The following KIAA1958 variants were observed in gnomAD, a reference collection of about 807,000 sequenced individuals.
KIAA1958 encodes uncharacterized protein KIAA1958.
In KIAA1958, 14 loss-of-function variants were observed where a neutral mutation model predicts 47.2. The observed-to-expected ratio is 0.30, with a 90% CI of 0.20 to 0.46. The LOEUF is 0.46. Ranked by LOEUF, KIAA1958 falls within the 20% of genes least tolerant of loss-of-function variation. KIAA1958 has a pLI of 1.00. For synonymous variants in KIAA1958, 354 were observed against 353.3 expected (o/e 1.00, Z -0.02); for missense variants, 803 against 909.2 (o/e 0.88, Z 1.50).
chr9:112,525,927 CT>C, intron 1 of KIAA1958, among the ~76,000 whole-genome samples: 1 of 2,628 alleles, frequency 3.8e-4, no homozygotes, highest in Non-Finnish European at 5.1e-4. Flanking sequence ...CTTTCTTCTT[CT>C]TCTTCTTCTT....
chr9:112,498,145 CTTTG>C (rs200105256), intron 1 of KIAA1958, among the ~76,000 whole-genome samples: 2,601 of 152,146 alleles, frequency 0.017, 64 homozygotes, highest in African/African-American at 0.06. Context: ...CAGTTATTGA[CTTTG>C]TTTATCTGAC....
intron 1 of KIAA1958, among the ~76,000 whole-genome samples, chr9:112,488,680 A>G (rs1031291922): frequency 6.6e-6 from 1 of 152,252 alleles, no homozygotes; most frequent in African/African-American, 2.4e-5. Flanking sequence ...AAAAAGCATT[A>G]TCATCTAAAC....
chr9:112,654,007 G>A (rs894481409), intron 3 of KIAA1958, among the ~76,000 whole-genome samples: 8 of 152,272 alleles, frequency 5.3e-5, no homozygotes, highest in South Asian at 2.1e-4. Flanking sequence ...AATAAGTCAC[G>A]TGGCTAGCCC....
chr9:112,622,876 C>T (rs1688436094), intron 2 of KIAA1958, among the ~76,000 whole-genome samples: 1 of 152,100 alleles, frequency 6.6e-6, no homozygotes, highest in South Asian at 2.1e-4. Flanking sequence ...AGCTAGGGGC[C>T]AAACCTGGAG....
Position 112,618,884 on chromosome 9 carries a change from G to T in KIAA1958, c.1172-26766G>T. 6.5e-7 allele frequency: 1 copy of T among 1,547,314 alleles called. No homozygotes were observed. Among genetic ancestry groups the T allele is most frequent in the East Asian group, 2.4e-5 (1 of 40,836 alleles). On this transcript the variant is annotated intron_variant, in intron 2 of 3. Coordinates refer to ENST00000337530, the MANE Select transcript of KIAA1958 (RefSeq NM_133465.4). This position sits in a 1 kb window ranked among gnomAD's most constrained non-coding sequence, Gnocchi z 7.1. ...CAACAATGGCAATTTCATCGTCTCCGCCTCCTATGACTCTTCCTCAGACAC... is the reference window on the plus strand; with the variant it reads ...CAACAATGGCAATTTCATCGTCTCCTCCTCCTATGACTCTTCCTCAGACAC...
At chr9:112,543,758 A>G (rs899866348) in intron 1 of KIAA1958, among the ~76,000 whole-genome samples, 22 of 151,760 alleles carry the variant, frequency 1.4e-4, no homozygotes, top group Non-Finnish European at 2.4e-4. Flanking sequence ...TTTTTAGTAG[A>G]GATAGGGTTT....
intron 2 of KIAA1958, among the ~76,000 whole-genome samples, chr9:112,585,289 A>G (rs1332660677): frequency 3.3e-5 from 5 of 152,232 alleles, no homozygotes; most frequent in African/African-American, 1.2e-4. Context: ...TCAAGTGTAT[A>G]AGGAGGTGTA....
intron 1 of KIAA1958, among the ~76,000 whole-genome samples, chr9:112,545,284 A>G (rs1835008379): frequency 6.6e-6 from 1 of 152,196 alleles, no homozygotes; most frequent in South Asian, 2.1e-4. Context: ...ACTGTGGGTC[A>G]TTGATGTCTT....
rs1030376111 is a variant in KIAA1958, at chr9:112,565,501, AT to A, written c.-24-8550del. On this transcript the variant is annotated intron_variant, in intron 1 of 3. Transcript: ENST00000337530. ...ATATGGGGAAGTGCCACCTGAAGTT[AT>A]TTTTTAATTCTTGAAAATGTAGAAG... is the stretch of plus-strand genomic sequence containing the variant. Among the ~76,000 whole-genome samples, 242 of 152,310 alleles carry A rather than the reference AT, an allele frequency of 1.6e-3. 1 individual carries two copies. The highest frequency in any genetic ancestry group is 5.4e-3 in the African/African-American group (224 of 41,570).
At chr9:112,623,654 G>A (rs1475016315) in intron 2 of KIAA1958, among the ~76,000 whole-genome samples, 2 of 152,206 alleles carry the variant, frequency 1.3e-5, no homozygotes, top group African/African-American at 2.4e-5. Context: ...TACCAGCAGA[G>A]AGCAGAAGTT....
intron 2 of KIAA1958, among the ~76,000 whole-genome samples, chr9:112,602,288 C>A (rs547106631): frequency 6.6e-6 from 1 of 152,078 alleles, no homozygotes; most frequent in Non-Finnish European, 1.5e-5. Flanking sequence ...AAATGAAACA[C>A]GAATGTTGGC....
At position 112,662,166 on chromosome 9, in the gene KIAA1958, TTGCC is replaced by T. The variant is rs1446524714; in HGVS notation, c.*2100_*2103del. The stretch of plus-strand genomic sequence containing the variant: ...AATAATCATCTCTGCCTCAAATGTG[TTGCC>T]TGTCACCTAGTTGATGTTCCATAAA... On this transcript the variant is annotated 3_prime_UTR_variant, in exon 4 of 4. Coordinates refer to ENST00000337530, the MANE Select transcript of KIAA1958 (RefSeq NM_133465.4). 1 of 152,248 alleles carries T rather than the reference TTGCC, an allele frequency of 6.6e-6. No individual in the cohort carries two copies. The highest frequency in any genetic ancestry group is 2.4e-5 in the African/African-American group (1 of 41,464). 9.4% of individuals were successfully genotyped at this position (152,248 alleles called of 1,614,324 possible).
rs767494620 is a variant in KIAA1958 at position 112,663,565 on chromosome 9, A to G, written c.*3496A>G. On this transcript the variant is annotated 3_prime_UTR_variant, in exon 4 of 4. Transcript: ENST00000337530. ...ATTTTCGCCCATGAATTCTACCTCCAACACAGCCAAGCTCTGATACCTCAG... is the reference window on the plus strand; with the variant it reads ...ATTTTCGCCCATGAATTCTACCTCCGACACAGCCAAGCTCTGATACCTCAG... The G allele has an allele frequency of 6.6e-6, 1 of 152,222 alleles. No individual in the cohort carries two copies. The highest frequency in any genetic ancestry group is 1.9e-4 in the East Asian group (1 of 5,206). 9.4% of individuals were successfully genotyped at this position (152,222 alleles called of 1,614,324 possible). A position where few individuals can be genotyped will look rare whatever the true frequency, so the allele number is the denominator to read the frequency against.
rs1458738964 is a variant in KIAA1958 at position 112,499,218 on chromosome 9, CTCTTTGATACACTGATT to C, written c.-25+12115_-25+12131del. On this transcript the variant is annotated intron_variant, in intron 1 of 3. Coordinates refer to ENST00000337530, the MANE Select transcript of KIAA1958 (RefSeq NM_133465.4). ...CAATAAACATGGTGGTGGAGATAAT[CTCTTTGATACACTGATT>C]TCTTTGATACACTGGTTTTCTTTTC... Among the ~76,000 whole-genome samples the C allele has an allele frequency of 9.9e-5, 15 of 152,282 alleles. No individual in the cohort carries two copies. In the South Asian group the frequency reaches 1.0e-3, roughly 11 times the overall value.
At chr9:112,567,063 A>C (rs1049575687) in intron 1 of KIAA1958, among the ~76,000 whole-genome samples, 2 of 152,224 alleles carry the variant, frequency 1.3e-5, no homozygotes, top group African/African-American at 4.8e-5. Context: ...TGGAATCTCT[A>C]ATCTGAGTAA....
At chr9:112,653,077 G>A (rs1339008395) in intron 3 of KIAA1958, among the ~76,000 whole-genome samples, 1 of 152,144 alleles carries the variant, frequency 6.6e-6, no homozygotes, top group Non-Finnish European at 1.5e-5. Context: ...ACATGGAAAG[G>A]ACCATAATAA....
intron 1 of KIAA1958, among the ~76,000 whole-genome samples, chr9:112,556,801 T>G (rs1047319060): frequency 6.6e-6 from 1 of 152,196 alleles, no homozygotes; most frequent in African/African-American, 2.4e-5. Context: ...CTTAATGTAA[T>G]CCTGAATGGG....
chr9:112,500,980 A>G lies in KIAA1958; in HGVS notation c.-25+13862A>G, dbSNP rs188648473. 1.4e-4 allele frequency among the ~76,000 whole-genome samples: 21 copies of G among 151,666 alleles called. No individual in the cohort carries two copies. The East Asian group carries it at 4.1e-3, about 29-fold the overall frequency. Reference sequence around the variant, plus strand: ...AAAAAAATTAGCCCGGCATGGTTGCATGCACCTGTGGTCCTGGCTACTTGG... The same window carrying G: ...AAAAAAATTAGCCCGGCATGGTTGCGTGCACCTGTGGTCCTGGCTACTTGG... On this transcript the variant is annotated intron_variant, in intron 1 of 3. Coordinates refer to ENST00000337530, the MANE Select transcript of KIAA1958 (RefSeq NM_133465.4).
intron 1 of KIAA1958, among the ~76,000 whole-genome samples, chr9:112,541,417 G>C (rs1834940063): frequency 6.6e-6 from 1 of 152,212 alleles, no homozygotes; most frequent in African/African-American, 2.4e-5. Flanking sequence ...CAAAGGTAGA[G>C]GGTGATAATC....
Sources: gnomAD v4.1 joint callset for allele counts (sites outside exome capture counted in the v4.1 genomes callset) on GRCh38, gnomAD v4.1.1 for gene constraint, Gnocchi (gnomAD v3.1) non-coding constraint, MANE v1.5 for transcripts, NCBI Gene and HGNC (gene_info 2026-07-23, HGNC 2026-07-21) for gene names.